The following FMNL2 variants were observed in gnomAD, a reference collection of about 807,000 sequenced individuals.
FMNL2 encodes formin-like protein 2.
FMNL2 carries 51 observed loss-of-function variants against 130.2 expected under a neutral mutation model. That is an observed-to-expected ratio of 0.39 (90% CI 0.31 to 0.49). The LOEUF (loss-of-function observed/expected upper bound fraction) is 0.49, where lower values mean the gene tolerates loss of function less well. Among genes scored for constraint, FMNL2 ranks in the 20% least tolerant of loss-of-function variants. The probability of loss-of-function intolerance (pLI) is 0.85; values close to 1 mark genes in which losing one functional copy is unlikely to be tolerated. For missense variants in FMNL2, 977 were observed against 1,316.2 expected (o/e 0.74, Z 3.99); for synonymous variants, 465 against 467.1 (o/e 1.00, Z 0.06).
chr2:152,452,926 G>A (rs1003820273), intron 1 of FMNL2, among the ~76,000 whole-genome samples: 8 of 152,154 alleles, frequency 5.3e-5, no homozygotes, highest in African/African-American at 9.7e-5. Flanking sequence ...CTGAATGGCC[G>A]GGCGCGGTGG....
At chr2:152,548,994 G>A in intron 3 of FMNL2, 27 bp from the exon 4 acceptor site, 2 of 1,558,628 alleles carry the variant, frequency 1.3e-6, no homozygotes, top group Non-Finnish European at 1.7e-6. Flanking sequence ...AAAATATTTT[G>A]TGAGAATATG....
intron 1 of FMNL2, among the ~76,000 whole-genome samples, chr2:152,407,172 TAAAA>T (rs1686028060): frequency 1.4e-5 from 2 of 144,936 alleles, no homozygotes. Flanking sequence ...TAAAGAACTC[TAAAA>T]TATTTTTCAC....
intron 1 of FMNL2, among the ~76,000 whole-genome samples, chr2:152,420,130 A>G (rs773618692): frequency 2.0e-5 from 3 of 152,234 alleles, no homozygotes; most frequent in Non-Finnish European, 4.4e-5. Context: ...TTGAAAAGGA[A>G]TCTTGAACTA....
intron 1 of FMNL2, among the ~76,000 whole-genome samples, chr2:152,448,573 G>T (rs1688475920): frequency 1.3e-5 from 2 of 152,128 alleles, no homozygotes; most frequent in Non-Finnish European, 2.9e-5. Flanking sequence ...ACTCCTCGGG[G>T]TTTTCTCTTT....
intron 4 of FMNL2, among the ~76,000 whole-genome samples, chr2:152,557,873 A>G (rs1695312987): frequency 6.6e-6 from 1 of 152,100 alleles, no homozygotes; most frequent in African/African-American, 2.4e-5. Context: ...TTAACTTATT[A>G]TTTGTTGGAG....
At chr2:152,363,978 TTGG>T (rs1439385089) in intron 1 of FMNL2, among the ~76,000 whole-genome samples, 1 of 152,182 alleles carries the variant, frequency 6.6e-6, no homozygotes, top group Non-Finnish European at 1.5e-5. Context: ...TTTTTTGTTG[TTGG>T]TGGTGGTGTT....
At chr2:152,415,260 T>C (rs922721623) in intron 1 of FMNL2, among the ~76,000 whole-genome samples, 1 of 152,098 alleles carries the variant, frequency 6.6e-6, no homozygotes, top group South Asian at 2.1e-4. Flanking sequence ...TCATGCAGGT[T>C]CTTGGCTCGG....
At chr2:152,621,300 C>T (rs908725605) in intron 15 of FMNL2, among the ~76,000 whole-genome samples, 7 of 152,306 alleles carry the variant, frequency 4.6e-5, no homozygotes, top group Middle Eastern at 3.4e-3. Context: ...ACCTCAGAAC[C>T]GCCTTAGCCG....
chr2:152,589,963 A>G (rs374395611), intron 9 of FMNL2, among the ~76,000 whole-genome samples: 1,770 of 31,792 alleles, frequency 0.056, 115 homozygotes, highest in Non-Finnish European at 0.08. Flanking sequence ...ATATATATAT[A>G]TATATATATA....
intron 21 of FMNL2, among the ~76,000 whole-genome samples, chr2:152,634,925 TC>T (rs201113136): frequency 2.8e-3 from 422 of 149,846 alleles, no homozygotes; most frequent in Admixed American, 2.7e-3. Flanking sequence ...GACCATGACT[TC>T]TTTTTTTTTT....
intron 24 of FMNL2, 82 bp from the exon 25 acceptor site, chr2:152,640,709 A>AT: frequency 6.5e-7 from 1 of 1,526,768 alleles, no homozygotes; most frequent in South Asian, 1.2e-5. Flanking sequence ...TATTAGTAAC[A>AT]TAATGCTCAG....
chr2:152,562,878 A>G (rs1695607507), intron 6 of FMNL2, among the ~76,000 whole-genome samples: 1 of 152,244 alleles, frequency 6.6e-6, no homozygotes, highest in African/African-American at 2.4e-5. Flanking sequence ...TTTAATTTAC[A>G]AAGTACATTT....
intron 1 of FMNL2, among the ~76,000 whole-genome samples, chr2:152,399,176 T>G (rs1471887438): frequency 6.6e-6 from 1 of 152,222 alleles, no homozygotes; most frequent in African/African-American, 2.4e-5. Flanking sequence ...AGAGTGAGGC[T>G]TCCTCTGCCC....
intron 6 of FMNL2, among the ~76,000 whole-genome samples, chr2:152,563,904 G>C (rs577032679): frequency 1.3e-5 from 2 of 152,254 alleles, no homozygotes; most frequent in East Asian, 1.9e-4. Context: ...ACATACTGAT[G>C]ATGAGGCTTC....
intron 1 of FMNL2, among the ~76,000 whole-genome samples, chr2:152,386,218 C>T (rs1023321824): frequency 3.3e-5 from 5 of 152,176 alleles, no homozygotes; most frequent in African/African-American, 1.2e-4. Context: ...AATGCAATCC[C>T]CAGTGCTCTC....
intron 1 of FMNL2, among the ~76,000 whole-genome samples, chr2:152,494,720 G>A (rs994395624): frequency 1.3e-5 from 2 of 152,044 alleles, no homozygotes; most frequent in Admixed American, 1.3e-4. Context: ...CTTGAAATAT[G>A]CCTCAAAATA....
intron 2 of FMNL2, among the ~76,000 whole-genome samples, chr2:152,535,260 C>CT (rs1693934262): frequency 6.6e-6 from 1 of 152,180 alleles, no homozygotes; most frequent in Non-Finnish European, 1.5e-5. Flanking sequence ...CCTTTCTCTG[C>CT]TTTTGTTCCC....
intron 9 of FMNL2, among the ~76,000 whole-genome samples, chr2:152,587,388 T>G (rs867331892): frequency 2.6e-5 from 4 of 152,212 alleles, no homozygotes; most frequent in Admixed American, 1.3e-4. Flanking sequence ...TTGTAGTCTG[T>G]ATACCTCAGT....
At position 152,614,949 on chromosome 2, in the gene FMNL2, T is replaced by G; in HGVS notation, c.1161T>G (p.Thr387=). Residue 387 remains threonine, a synonymous_variant, in exon 12 of 26, where the codon ACT becomes ACG. Coordinates refer to ENST00000288670, the MANE Select transcript of FMNL2 (RefSeq NM_052905.4). The part of the protein sequence containing the change: ...DVGALLEDAE[T]KNAALERVEE... ...GAGCTCTACTGGAAGATGCTGAAAC[T>G]AAGAATGCTGCCTTGGAGAGGGTGG... 6.2e-7 allele frequency: 1 copy of G among 1,613,746 alleles called. No individual in the cohort carries two copies. The highest frequency in any genetic ancestry group is 8.5e-7 in the Non-Finnish European group (1 of 1,179,824).
Sources: gnomAD v4.1 joint callset for allele counts (sites outside exome capture counted in the v4.1 genomes callset) on GRCh38, gnomAD v4.1.1 for gene constraint, MANE v1.5 for transcripts, NCBI Gene and HGNC (gene_info 2026-07-23, HGNC 2026-07-21) for gene names.